ROBO1: variants seen among roughly 807,000 people sequenced by gnomAD.
ROBO1 encodes the protein roundabout guidance receptor 1.
In ROBO1, 149 loss-of-function variants were observed where a neutral mutation model predicts 195.9. That is an observed-to-expected ratio of 0.76 (90% CI 0.67 to 0.87). The LOEUF (loss-of-function observed/expected upper bound fraction) is 0.87. Among genes scored for constraint, ROBO1 ranks in the 40% least tolerant of loss-of-function variants. The probability of loss-of-function intolerance (pLI) is 0.00; values close to 1 mark genes in which losing one functional copy is unlikely to be tolerated. For missense variants in ROBO1, 1,933 were observed against 2,068.3 expected (o/e 0.93, Z 1.27); for synonymous variants, 816 against 733.2 (o/e 1.11, Z -1.82).
At chr3:79,494,445 C>T (rs1035377735) in intron 2 of ROBO1, among the ~76,000 whole-genome samples, 3 of 152,030 alleles carry the variant, frequency 2.0e-5, no homozygotes, top group Non-Finnish European at 4.4e-5. Context: ...AAAGGGCTAT[C>T]TGCAAAAAAA....
At chr3:78,663,393 G>A (rs968653774) in intron 14 of ROBO1, among the ~76,000 whole-genome samples, 1 of 151,698 alleles carries the variant, frequency 6.6e-6, no homozygotes, top group Non-Finnish European at 1.5e-5. Context: ...CAATATTTTT[G>A]GTTAGGACCT....
At chr3:79,591,196 C>T (rs1943989820) in intron 1 of ROBO1, among the ~76,000 whole-genome samples, 1 of 151,536 alleles carries the variant, frequency 6.6e-6, no homozygotes, top group Admixed American at 6.6e-5. Flanking sequence ...GTAATTTGTC[C>T]ACCTCAATGA....
chr3:78,646,128 A>C lies in ROBO1; in HGVS notation c.2882+20T>G, dbSNP rs1706267321. On this transcript the variant is annotated intron_variant, in intron 21 of 30. Transcript: ENST00000464233. ...ATTTGGAATTCCCTGTAGGATCTAC[A>C]AAACAAGCAAGATAATTACCTCCCT... 4 of 1,602,954 alleles carry C rather than the reference A, an allele frequency of 2.5e-6. No individual in the cohort carries two copies. Among genetic ancestry groups the C allele is most frequent in the Non-Finnish European group, 3.4e-6 (4 of 1,171,642 alleles).
chr3:79,451,031 T>C (rs950927547), intron 2 of ROBO1, among the ~76,000 whole-genome samples: 2 of 152,030 alleles, frequency 1.3e-5, no homozygotes, highest in East Asian at 3.9e-4. Flanking sequence ...TAAGTTTGTA[T>C]TTTCTCCTTT....
intron 3 of ROBO1, among the ~76,000 whole-genome samples, chr3:79,093,482 T>C (rs2079514230): frequency 1.3e-5 from 2 of 152,146 alleles, no homozygotes; most frequent in South Asian, 2.1e-4. Flanking sequence ...GAAAATATTA[T>C]AGCATTGACA....
At chr3:79,689,121 T>A (rs1452363268) in intron 1 of ROBO1, among the ~76,000 whole-genome samples, 1 of 151,990 alleles carries the variant, frequency 6.6e-6, no homozygotes, top group African/African-American at 2.4e-5. Flanking sequence ...TGTAATAAAT[T>A]AATAATCAGT....
At chr3:79,491,213 G>A (rs1939436512) in intron 2 of ROBO1, among the ~76,000 whole-genome samples, 1 of 127,070 alleles carries the variant, frequency 7.9e-6, no homozygotes, top group African/African-American at 3.2e-5. Flanking sequence ...GGGTGGACGG[G>A]GATCGGCTCT....
At chr3:79,701,920 G>T (rs939908955) in intron 1 of ROBO1, among the ~76,000 whole-genome samples, 12 of 151,736 alleles carry the variant, frequency 7.9e-5, no homozygotes, top group Admixed American at 2.0e-4. Context: ...ATGACTATGG[G>T]CAGGGCTTTT....
chr3:79,504,194 G>T (rs1322837532), intron 2 of ROBO1, among the ~76,000 whole-genome samples: 2 of 152,068 alleles, frequency 1.3e-5, no homozygotes, highest in African/African-American at 4.8e-5. Flanking sequence ...TATTTGAAAA[G>T]ATTCTACATA....
intron 4 of ROBO1, among the ~76,000 whole-genome samples, chr3:78,853,513 A>C (rs980872239): frequency 2.0e-5 from 3 of 151,534 alleles, no homozygotes; most frequent in Non-Finnish European, 4.4e-5. Context: ...TGTGATGGTT[A>C]ATTTTGTATG....
At chr3:79,222,743 T>A (rs575091366) in intron 2 of ROBO1, among the ~76,000 whole-genome samples, 1 of 152,242 alleles carries the variant, frequency 6.6e-6, no homozygotes, top group Admixed American at 6.6e-5. Flanking sequence ...CCATCCCACA[T>A]CTGAATGCAG....
intron 3 of ROBO1, among the ~76,000 whole-genome samples, chr3:79,004,779 G>A (rs965380399): frequency 5.3e-5 from 8 of 152,182 alleles, no homozygotes; most frequent in African/African-American, 1.7e-4. Context: ...TTAGGCATGT[G>A]TGCAATGTAA....
At chr3:78,607,742 CTTGAG>C (rs1173043225) in intron 28 of ROBO1, among the ~76,000 whole-genome samples, 3 of 152,076 alleles carry the variant, frequency 2.0e-5, no homozygotes, top group African/African-American at 7.2e-5. Flanking sequence ...TGAGGTGGTA[CTTGAG>C]TTGAGACTTA....
At chr3:79,083,439 C>T (rs2079312015) in intron 3 of ROBO1, among the ~76,000 whole-genome samples, 1 of 152,018 alleles carries the variant, frequency 6.6e-6, no homozygotes, top group South Asian at 2.1e-4. Flanking sequence ...ATGGTAAAAT[C>T]CACATTTATC....
At chr3:79,344,669 A>T (rs1352213857) in intron 2 of ROBO1, among the ~76,000 whole-genome samples, 1 of 151,986 alleles carries the variant, frequency 6.6e-6, no homozygotes, top group African/African-American at 2.4e-5. Flanking sequence ...TTTTGTTAGG[A>T]TAGGTATGAG....
intron 3 of ROBO1, among the ~76,000 whole-genome samples, chr3:79,116,241 A>G (rs1271474170): frequency 1.3e-5 from 2 of 151,926 alleles, no homozygotes; most frequent in African/African-American, 4.8e-5. Flanking sequence ...CTCTTCCTGT[A>G]TAATTTAATC....
At chr3:79,146,185 G>A (rs887188535) in intron 2 of ROBO1, among the ~76,000 whole-genome samples, 24 of 151,836 alleles carry the variant, frequency 1.6e-4, no homozygotes, top group East Asian at 3.9e-4. Flanking sequence ...AGGCAATTAC[G>A]TCACAGAGCT....
chr3:78,845,106 A>T (rs2033564420), intron 4 of ROBO1, among the ~76,000 whole-genome samples: 2 of 152,108 alleles, frequency 1.3e-5, no homozygotes, highest in South Asian at 2.1e-4. Flanking sequence ...GTGTGCATGT[A>T]TCCTATCCTT....
chr3:79,523,143 T>A, intron 2 of ROBO1, among the ~76,000 whole-genome samples: 1 of 147,272 alleles, frequency 6.8e-6, no homozygotes, highest in East Asian at 2.0e-4. Flanking sequence ...GTTCCACCAT[T>A]GTAAGAGGCT....
Sources: gnomAD v4.1 joint callset for allele counts (sites outside exome capture counted in the v4.1 genomes callset) on GRCh38, gnomAD v4.1.1 for gene constraint, MANE v1.5 for transcripts, NCBI Gene and HGNC (gene_info 2026-07-23, HGNC 2026-07-21) for gene names.